The following EBF1 variants were observed in gnomAD, a reference collection of about 807,000 sequenced individuals.
EBF1 encodes transcription factor COE1.
In EBF1, 10 loss-of-function variants were observed where a neutral mutation model predicts 68.4. The observed-to-expected ratio is 0.15, with a 90% CI of 0.09 to 0.25. The LOEUF is 0.25. EBF1 is among the 10% of genes least tolerant of loss of function. The pLI is 1.00. For synonymous variants in EBF1, 298 were observed against 299.8 expected (o/e 0.99, Z 0.06); for missense variants, 509 against 794.4 (o/e 0.64, Z 4.32).
intron 10 of EBF1, among the ~76,000 whole-genome samples, chr5:158,734,962 C>T (rs1057423384): frequency 1.3e-5 from 2 of 152,066 alleles, no homozygotes; most frequent in Non-Finnish European, 2.9e-5. Context: ...AATAGAAAAG[C>T]CTCAATGTTT....
chr5:158,844,678 CT>C (rs1012309619), intron 6 of EBF1, among the ~76,000 whole-genome samples: 1 of 152,196 alleles, frequency 6.6e-6, no homozygotes, highest in African/African-American at 2.4e-5. Context: ...ATAATATTAG[CT>C]TCTCAAGCCA....
chr5:158,950,703 G>A (rs926948613), intron 6 of EBF1, among the ~76,000 whole-genome samples: 6 of 152,172 alleles, frequency 3.9e-5, no homozygotes, highest in African/African-American at 7.2e-5. Context: ...AATGAGTGGC[G>A]GGAACCATCT....
chr5:158,718,814 C>T (rs1761304576), intron 11 of EBF1, among the ~76,000 whole-genome samples: 1 of 152,084 alleles, frequency 6.6e-6, no homozygotes, highest in African/African-American at 2.4e-5. Flanking sequence ...GAGTGCTGAC[C>T]ATCTGTGTCA....
At chr5:158,751,465 G>A (rs967279415) in intron 10 of EBF1, among the ~76,000 whole-genome samples, 22 of 151,968 alleles carry the variant, frequency 1.4e-4, no homozygotes, top group Non-Finnish European at 2.6e-4. Flanking sequence ...GTGTCCAAGC[G>A]TCATACACTC....
At chr5:158,737,266 A>ATTTTTTTTTTTTTTTTT (rs61380054) in intron 10 of EBF1, among the ~76,000 whole-genome samples, 2 of 55,638 alleles carry the variant, frequency 3.6e-5, no homozygotes, top group African/African-American at 7.9e-5. Context: ...ACATGCCCTG[A>ATTTTTTTTTTTTTTTTT]TTTTTTTTTT....
chr5:158,771,167 CT>C (rs1412118201), intron 10 of EBF1, among the ~76,000 whole-genome samples: 9 of 152,144 alleles, frequency 5.9e-5, no homozygotes, highest in Non-Finnish European at 1.3e-4. Context: ...ACATCAAACT[CT>C]AATGACAAAT....
chr5:158,804,605 T>C (rs964639112), intron 8 of EBF1, among the ~76,000 whole-genome samples: 1 of 152,158 alleles, frequency 6.6e-6, no homozygotes, highest in Non-Finnish European at 1.5e-5. Context: ...AACTTCTAAA[T>C]TGCACTTGAA....
At chr5:158,754,186 A>G (rs552336671) in intron 10 of EBF1, among the ~76,000 whole-genome samples, 1 of 152,230 alleles carries the variant, frequency 6.6e-6, no homozygotes, top group South Asian at 2.1e-4. Context: ...CTCTAGCAGA[A>G]GTTCACCATC....
chr5:159,053,776 C>T (rs1424849766), intron 6 of EBF1, among the ~76,000 whole-genome samples: 2 of 152,234 alleles, frequency 1.3e-5, no homozygotes, highest in African/African-American at 4.8e-5. Context: ...ATTTTGACAA[C>T]TCTTTTCAAT....
At chr5:158,855,659 C>A (rs942623353) in intron 6 of EBF1, among the ~76,000 whole-genome samples, 1 of 152,222 alleles carries the variant, frequency 6.6e-6, no homozygotes, top group African/African-American at 2.4e-5. Flanking sequence ...GATCCTATTA[C>A]GGTGCTTGGC....
chr5:158,781,662 T>A (rs1407991641), intron 9 of EBF1, among the ~76,000 whole-genome samples: 1 of 152,164 alleles, frequency 6.6e-6, no homozygotes, highest in Non-Finnish European at 1.5e-5. Context: ...AAACTTGAGT[T>A]TATCATTATT....
At chr5:159,013,533 C>T (rs978374657) in intron 6 of EBF1, among the ~76,000 whole-genome samples, 5 of 152,174 alleles carry the variant, frequency 3.3e-5, no homozygotes, top group Admixed American at 2.6e-4. Context: ...GGTCCAATTG[C>T]AGAAGGACCC....
chr5:159,027,519 C>T (rs1385434255), intron 6 of EBF1, among the ~76,000 whole-genome samples: 2 of 152,188 alleles, frequency 1.3e-5, no homozygotes, highest in African/African-American at 4.8e-5. Context: ...GTTCTTCAGA[C>T]CTTAGAATGC....
intron 6 of EBF1, among the ~76,000 whole-genome samples, chr5:158,898,134 T>C (rs1802531611): frequency 6.6e-6 from 1 of 152,078 alleles, no homozygotes; most frequent in Non-Finnish European, 1.5e-5. Context: ...CTTTAAAACA[T>C]TTTTTTTAAA....
chr5:158,756,834 T>C (rs929103701), intron 10 of EBF1, among the ~76,000 whole-genome samples: 4 of 152,026 alleles, frequency 2.6e-5, no homozygotes, highest in African/African-American at 9.7e-5. Flanking sequence ...TGTGTGCCTA[T>C]GGATTTAGGA....
At chr5:158,903,972 G>T (rs868131062) in intron 6 of EBF1, among the ~76,000 whole-genome samples, 1 of 152,070 alleles carries the variant, frequency 6.6e-6, no homozygotes. Flanking sequence ...GGTAATCTAG[G>T]GGGTGGAGGG....
chr5:159,038,421 C>T (rs1467693124), intron 6 of EBF1, among the ~76,000 whole-genome samples: 1 of 152,118 alleles, frequency 6.6e-6, no homozygotes, highest in Non-Finnish European at 1.5e-5. Context: ...GACCTACCTA[C>T]TCATATCAAA....
At chr5:158,832,845 T>A (rs925725392) in intron 7 of EBF1, among the ~76,000 whole-genome samples, 1 of 152,210 alleles carries the variant, frequency 6.6e-6, no homozygotes, top group African/African-American at 2.4e-5. Flanking sequence ...ATAACTCATG[T>A]CATCATTTTA....
chr5:158,836,669 A>G, intron 7 of EBF1, among the ~76,000 whole-genome samples: 1 of 152,222 alleles, frequency 6.6e-6, no homozygotes, highest in Non-Finnish European at 1.5e-5. Context: ...GTTGTATGAA[A>G]ATAATAAAGA....
Sources: gnomAD v4.1 joint callset for allele counts (sites outside exome capture counted in the v4.1 genomes callset) on GRCh38, gnomAD v4.1.1 for gene constraint, MANE v1.5 for transcripts, NCBI Gene and HGNC (gene_info 2026-07-23, HGNC 2026-07-21) for gene names.